BSND: variants seen among roughly 807,000 people sequenced by gnomAD.
BSND encodes the protein barttin.
Under a neutral mutation model 18.8 loss-of-function variants are expected in BSND, and 13 were observed. That is an observed-to-expected ratio of 0.69 (90% confidence interval 0.45 to 1.10). The LOEUF (loss-of-function observed/expected upper bound fraction) is 1.10, where lower values mean the gene tolerates loss of function less well. Among genes scored for constraint, BSND ranks in the 50% least tolerant of loss-of-function variants. BSND has a pLI of 0.00. For synonymous variants in BSND, 170 were observed against 161.8 expected (o/e 1.05, Z -0.39); for missense variants, 379 against 416.7 (o/e 0.91, Z 0.79).
chr1:55,004,014 C>T (rs1644376484), intron 1 of BSND, among the ~76,000 whole-genome samples: 1 of 152,208 alleles, frequency 6.6e-6, no homozygotes, highest in Admixed American at 6.5e-5. Context: ...CATTATCCCA[C>T]TCTCTAGCCC....
At position 55,008,777 on chromosome 1, in the gene BSND, GA is replaced by G; in HGVS notation, c.*150del. The G allele has an allele frequency of 8.3e-7, 1 of 1,206,818 alleles. No homozygotes were observed. The highest frequency in any genetic ancestry group is 1.3e-5 in the South Asian group (1 of 77,864). 74.8% of individuals were successfully genotyped at this position (1,206,818 alleles called of 1,614,324 possible). ...TGAGAATGGTAAAGAAATACACAGGGAGGGGATGATGACTATTAGTGGACTC... is the reference window on the plus strand; with the variant it reads ...TGAGAATGGTAAAGAAATACACAGGGGGGGATGATGACTATTAGTGGACTC... On this transcript the variant is annotated 3_prime_UTR_variant, in exon 4 of 4. Transcript: ENST00000651561.
At position 55,015,774 on chromosome 1, in the gene BSND, A is replaced by C. The variant is rs1190043692; in HGVS notation, c.*7146A>C. ...ACCTCTACTACCCCGGGCTAACTGCAGAGTGAACAGTGACAGGTCAGTGCT... is the reference window on the plus strand; with the variant it reads ...ACCTCTACTACCCCGGGCTAACTGCCGAGTGAACAGTGACAGGTCAGTGCT... On this transcript the variant is annotated 3_prime_UTR_variant, in exon 4 of 4. Coordinates refer to ENST00000651561, the MANE Select transcript of BSND (RefSeq NM_057176.3). Among the ~76,000 whole-genome samples the C allele has an allele frequency of 6.6e-6, 1 of 152,210 alleles. No individual in the cohort carries two copies. The highest frequency in any genetic ancestry group is 2.4e-5 in the African/African-American group (1 of 41,450).
rs1247558705 is a variant in BSND at position 55,012,449 on chromosome 1, C to T, written c.*3821C>T. Among the ~76,000 whole-genome samples, 1 of 152,196 alleles carries T rather than the reference C, an allele frequency of 6.6e-6. No homozygotes were observed. Among genetic ancestry groups the T allele is most frequent in the African/African-American group, 2.4e-5 (1 of 41,450 alleles). On this transcript the variant is annotated 3_prime_UTR_variant, in exon 4 of 4. Transcript: ENST00000651561. The stretch of plus-strand genomic sequence containing the variant: ...CCTCAGCCAGTTCCTTGCTGTGTGG[C>T]CTTGGACAAGTCACAGCCCCTCTCA...
intron 3 of BSND, 28 bp from the exon 4 acceptor site, chr1:55,008,186 C>A: frequency 6.2e-7 from 1 of 1,601,148 alleles, no homozygotes. Context: ...CAGAGATACC[C>A]TTGCCCTTGT....
chr1:55,000,802 T>A (rs1232305555), intron 1 of BSND, among the ~76,000 whole-genome samples: 1 of 152,240 alleles, frequency 6.6e-6, no homozygotes. Context: ...AAGCCACTCA[T>A]GTCACCACTG....
intron 1 of BSND, among the ~76,000 whole-genome samples, chr1:55,003,418 T>C (rs997457025): frequency 6.6e-6 from 1 of 152,134 alleles, no homozygotes; most frequent in African/African-American, 2.4e-5. Context: ...ATTTTTTTTG[T>C]AGAGACAGCG....
chr1:55,001,151 C>T lies in BSND; in HGVS notation c.177+1788C>T, dbSNP rs532217877. On this transcript the variant is annotated intron_variant, in intron 1 of 3. Coordinates refer to ENST00000651561, the MANE Select transcript of BSND (RefSeq NM_057176.3). ...TGTGACCTTGGCAGAAAGAGTCCCTCCCCCTCAGCTCTGAGCCTTGTACGG... is the reference window on the plus strand; with the variant it reads ...TGTGACCTTGGCAGAAAGAGTCCCTTCCCCTCAGCTCTGAGCCTTGTACGG... Among the ~76,000 whole-genome samples, 4 of 152,228 alleles carry T rather than the reference C, an allele frequency of 2.6e-5. No homozygotes were observed. The East Asian group carries it at 5.8e-4, about 22-fold the overall frequency.
Position 55,008,941 on chromosome 1 carries a change from G to A in BSND, c.*313G>A, listed in dbSNP as rs548378984. Reference sequence around the variant, plus strand: ...TGACCTCTGAGAGGAACCTTCCTTGGTGCTCCCTCTGGGCCCCTGATCCTT... The same window carrying A: ...TGACCTCTGAGAGGAACCTTCCTTGATGCTCCCTCTGGGCCCCTGATCCTT... On this transcript the variant is annotated 3_prime_UTR_variant, in exon 4 of 4. Coordinates refer to ENST00000651561, the MANE Select transcript of BSND (RefSeq NM_057176.3). 1.8e-5 allele frequency: 8 copies of A among 439,718 alleles called. No homozygotes were observed. Among genetic ancestry groups the A allele is most frequent in the Admixed American group, 1.1e-4 (3 of 28,538 alleles). 27.2% of individuals were successfully genotyped at this position (439,718 alleles called of 1,614,324 possible). A position where few individuals can be genotyped will look rare whatever the true frequency, so the allele number is the denominator to read the frequency against.
intron 1 of BSND, among the ~76,000 whole-genome samples, chr1:55,004,758 C>T: frequency 6.6e-6 from 1 of 152,178 alleles, no homozygotes; most frequent in South Asian, 2.1e-4. Context: ...CCTTGCTGCT[C>T]CTAGTGCCTG....
At chr1:55,002,007 C>T (rs1644363831) in intron 1 of BSND, among the ~76,000 whole-genome samples, 1 of 152,088 alleles carries the variant, frequency 6.6e-6, no homozygotes, top group Admixed American at 6.6e-5. Flanking sequence ...ACACGACCAG[C>T]TTTGCAGTTT....
At position 55,008,323 on chromosome 1, in the gene BSND, G is replaced by C; in HGVS notation, c.658G>C (p.Glu220Gln). The C allele has an allele frequency of 1.2e-6, 2 of 1,614,228 alleles. No individual in the cohort carries two copies. Among genetic ancestry groups the C allele is most frequent in the Non-Finnish European group, 1.7e-6 (2 of 1,180,040 alleles). Residue 220 changes from glutamate (E) to glutamine (Q), a missense_variant, in exon 4 of 4, where the codon GAA (glutamate) becomes CAA (glutamine). Physicochemically the swap from Glu to Gln is conservative, Grantham distance 29. Transcript: ENST00000651561. The part of the protein sequence containing the change: ...SPNASPHDRE[E>Q]ACSPQQEPQG... ...CAATGCATCTCCACATGACAGGGAG[G>C]AAGCTTGTTCCCCACAACAGGAACC...
intron 1 of BSND, among the ~76,000 whole-genome samples, chr1:55,002,730 G>A (rs1177249700): frequency 3.9e-5 from 6 of 152,174 alleles, no homozygotes; most frequent in Non-Finnish European, 8.8e-5. Flanking sequence ...TAAGGGTGGT[G>A]ATGATGATAT....
chr1:55,007,600 C>T (rs1391045021), intron 3 of BSND, among the ~76,000 whole-genome samples: 1 of 152,148 alleles, frequency 6.6e-6, no homozygotes, highest in Non-Finnish European at 1.5e-5. Flanking sequence ...ACCTGGCATA[C>T]AGTAGGCCCT....
intron 1 of BSND, among the ~76,000 whole-genome samples, chr1:55,003,505 G>GC (rs1227218200): frequency 6.6e-6 from 1 of 152,252 alleles, no homozygotes; most frequent in Non-Finnish European, 1.5e-5. Context: ...GAGTACAAAG[G>GC]CCCCCTCCAT....
rs1055537874 is a variant in BSND, at chr1:55,013,339, T to G, written c.*4711T>G. Among the ~76,000 whole-genome samples the G allele has an allele frequency of 5.9e-5, 9 of 152,210 alleles. No homozygotes were observed. Among genetic ancestry groups the G allele is most frequent in the Admixed American group, 2.6e-4 (4 of 15,288 alleles). Reference sequence around the variant, plus strand: ...CCACCACACCCAGCTAATTTTGTATTTTTAATAGAGATGAGGTTTCATCAT... The same window carrying G: ...CCACCACACCCAGCTAATTTTGTATGTTTAATAGAGATGAGGTTTCATCAT... On this transcript the variant is annotated 3_prime_UTR_variant, in exon 4 of 4. Coordinates refer to ENST00000651561, the MANE Select transcript of BSND (RefSeq NM_057176.3).
intron 1 of BSND, among the ~76,000 whole-genome samples, chr1:55,002,628 T>C (rs1019078799): frequency 4.6e-5 from 7 of 152,238 alleles, no homozygotes; most frequent in Non-Finnish European, 8.8e-5. Flanking sequence ...CATGGTCTGA[T>C]ATCCTCTCTC....
Position 55,010,470 on chromosome 1 carries a change from C to A in BSND, c.*1842C>A, listed in dbSNP as rs1215520277. 6.6e-6 allele frequency: 1 copy of A among 152,328 alleles called. No individual in the cohort carries two copies. Among genetic ancestry groups the A allele is most frequent in the Non-Finnish European group, 1.5e-5 (1 of 68,144 alleles). The allele number at this position is 152,328 out of a possible 1,614,324, so 9.4% of individuals were successfully genotyped here. On this transcript the variant is annotated 3_prime_UTR_variant, in exon 4 of 4. Transcript: ENST00000651561. ...AACACTACCTCAAACCAGGACCACG[C>A]CCTCAGAGCCTGCACCCTGGGCCAC...
In BSND at chr1:55,014,290, A is replaced by G. The variant is rs572113909; in HGVS notation, c.*5662A>G. Among the ~76,000 whole-genome samples, 211 of 152,188 alleles carry G rather than the reference A, an allele frequency of 1.4e-3. No homozygotes were observed. The highest frequency in any genetic ancestry group is 2.9e-3 in the Admixed American group (44 of 15,286). ...CTGAGGAGCACCAGCTTTGGAGTAA[A>G]CAGCGCTGGGTTTGAGACTAGGCTT... On this transcript the variant is annotated 3_prime_UTR_variant, in exon 4 of 4. Coordinates refer to ENST00000651561, the MANE Select transcript of BSND (RefSeq NM_057176.3).
rs1270555791 is a variant in BSND at position 55,013,974 on chromosome 1, C to G, written c.*5346C>G. 6.6e-6 allele frequency among the ~76,000 whole-genome samples: 1 copy of G among 152,196 alleles called. No individual in the cohort carries two copies. The highest frequency in any genetic ancestry group is 1.5e-5 in the Non-Finnish European group (1 of 68,036). ...CCCTGGAGCCTGAATTAGCCCTGCT[C>G]TCCCCTTCCACGGTGGAATCCATCT... On this transcript the variant is annotated 3_prime_UTR_variant, in exon 4 of 4. Coordinates refer to ENST00000651561, the MANE Select transcript of BSND (RefSeq NM_057176.3).
Sources: allele counts gnomAD v4.1 joint callset (sites outside exome capture counted in the v4.1 genomes callset), GRCh38; gene constraint gnomAD v4.1.1; transcripts MANE v1.5; gene names NCBI Gene and HGNC (gene_info 2026-07-23, HGNC 2026-07-21).